The following ACSBG2 variants were observed in gnomAD, a reference collection of about 807,000 sequenced individuals.
ACSBG2 encodes the protein acyl-CoA synthetase bubblegum family member 2.
In ACSBG2, 62 loss-of-function variants were observed where a neutral mutation model predicts 74.7. The ratio of observed to expected loss-of-function variants is 0.83; its 90% CI spans 0.68 to 1.03. The LOEUF is 1.03. Among genes scored for constraint, ACSBG2 ranks in the 50% least tolerant of loss-of-function variants. The pLI is 0.00. For missense variants in ACSBG2, 730 were observed against 817.6 expected (o/e 0.89, Z 1.31); for synonymous variants, 309 against 294.1 (o/e 1.05, Z -0.52).
chr19:6,152,524 T>G lies in ACSBG2; in HGVS notation c.386+729T>G, dbSNP rs1230721815. ...CCAGGATGGTCTCGATCTCCTGACCTCATGATCCACCCGCCTCGGCCTCCC... is the reference window on the plus strand; with the variant it reads ...CCAGGATGGTCTCGATCTCCTGACCGCATGATCCACCCGCCTCGGCCTCCC... On this transcript the variant is annotated intron_variant, in intron 4 of 14. Transcript: ENST00000588485. Among the ~76,000 whole-genome samples the G allele has an allele frequency of 2.6e-4, 7 of 26,958 alleles. 3 individuals are homozygous for G. Among genetic ancestry groups the G allele is most frequent in the Non-Finnish European group, 6.7e-4 (7 of 10,502 alleles). 17.7% of individuals were successfully genotyped at this position (26,958 alleles called of 152,430 possible).
chr19:6,140,454 C>T (rs946828287), intron 1 of ACSBG2, among the ~76,000 whole-genome samples: 10 of 152,076 alleles, frequency 6.6e-5, no homozygotes, highest in Admixed American at 4.6e-4. Flanking sequence ...CTGAGGCGGG[C>T]GGATCACTTG....
intron 10 of ACSBG2, among the ~76,000 whole-genome samples, chr19:6,184,589 C>T (rs1241840002): frequency 6.7e-6 from 1 of 149,308 alleles, no homozygotes; most frequent in Admixed American, 6.7e-5. Flanking sequence ...CATCCTAGAA[C>T]TGCACTGGCC....
rs1430818511 is a variant in ACSBG2, at chr19:6,156,391, T to C, written c.387-40T>C. 4 of 1,557,586 alleles carry C rather than the reference T, an allele frequency of 2.6e-6. No individual in the cohort carries two copies. The East Asian group carries it at 7.4e-5, about 29-fold the overall frequency. On this transcript the variant is annotated intron_variant, in intron 4 of 14. Transcript: ENST00000588485. ...CTTCCAGACCATTCTGCCTTTAAGG[T>C]GTGTGTGGATGCACACACGAATTTG...
chr19:6,145,529 T>C (rs2088999590), intron 2 of ACSBG2, among the ~76,000 whole-genome samples: 1 of 151,940 alleles, frequency 6.6e-6, no homozygotes, highest in African/African-American at 2.4e-5. Flanking sequence ...ACCTCCCCAG[T>C]AGACCAGGTT....
At chr19:6,188,962 T>C (rs139589780) in intron 13 of ACSBG2, among the ~76,000 whole-genome samples, 1 of 152,232 alleles carries the variant, frequency 6.6e-6, no homozygotes, top group East Asian at 1.9e-4. Flanking sequence ...TAATATGTTA[T>C]CTGTAGAGCA....
In ACSBG2 at chr19:6,149,923, C is replaced by T. The variant is rs564108507; in HGVS notation, c.298-1784C>T. 1.9e-4 allele frequency among the ~76,000 whole-genome samples: 29 copies of T among 151,246 alleles called. No individual in the cohort carries two copies. The South Asian group carries it at 3.5e-3, about 18-fold the overall frequency. On this transcript the variant is annotated intron_variant, in intron 3 of 14. Transcript: ENST00000588485. ...CCTCCCAAAGTGCTGGGATTACAGG[C>T]GTGAGCCACCACGCCTGTAATTTTT... is the stretch of plus-strand genomic sequence containing the variant.
chr19:6,155,247 G>T (rs1268223714), intron 4 of ACSBG2, among the ~76,000 whole-genome samples: 3 of 152,066 alleles, frequency 2.0e-5, no homozygotes, highest in Non-Finnish European at 4.4e-5. Flanking sequence ...TATTTGTATG[G>T]AAAAATAAAT....
intron 10 of ACSBG2, among the ~76,000 whole-genome samples, chr19:6,184,874 G>GAAAAAAAAAAAAAAAAAAAAAAAA (rs1305163415): frequency 4.1e-5 from 2 of 49,222 alleles, no homozygotes; most frequent in African/African-American, 1.4e-4. Flanking sequence ...AAAAAAAAAC[G>GAAAAAAAAAAAAAAAAAAAAAAAA]AAAAACAGCC....
intron 10 of ACSBG2, among the ~76,000 whole-genome samples, chr19:6,184,614 G>GAAA (rs773413408): frequency 8.0e-6 from 1 of 125,650 alleles, no homozygotes; most frequent in Non-Finnish European, 1.7e-5. Context: ...CTATCTCTAG[G>GAAA]AAAAAAAAAA....
intron 2 of ACSBG2, among the ~76,000 whole-genome samples, chr19:6,144,652 A>C (rs1379992613): frequency 6.6e-6 from 1 of 151,922 alleles, no homozygotes; most frequent in African/African-American, 2.4e-5. Context: ...GCTAATTAAT[A>C]TATCAGTCAT....
intron 2 of ACSBG2, among the ~76,000 whole-genome samples, chr19:6,143,661 CT>C (rs1216649772): frequency 6.6e-6 from 1 of 152,172 alleles, no homozygotes; most frequent in Non-Finnish European, 1.5e-5. Flanking sequence ...CCACTCCCCC[CT>C]GCTTCAGGCT....
Position 6,180,380 on chromosome 19 carries a change from CTTCT to C in ACSBG2, c.907-2368_907-2365del, listed in dbSNP as rs1568249247. On this transcript the variant is annotated intron_variant, in intron 8 of 14. Coordinates refer to ENST00000588485, the MANE Select transcript of ACSBG2 (RefSeq NM_030924.5). The surrounding 1 kb of genome is among the most constrained non-coding windows in gnomAD (Gnocchi z 4.3). ...TCTCTTGTTCTTTGCAGGGCTGACT[CTTCT>C]TTGTCACTTAGCTCTCTGCTAAATA... Among the ~76,000 whole-genome samples, 2 of 152,232 alleles carry C rather than the reference CTTCT, an allele frequency of 1.3e-5. No homozygotes were observed. Among genetic ancestry groups the C allele is most frequent in the African/African-American group, 2.4e-5 (1 of 41,462 alleles).
intron 4 of ACSBG2, among the ~76,000 whole-genome samples, chr19:6,155,789 CAAAAA>C (rs35539453): frequency 1.6e-5 from 2 of 123,624 alleles, no homozygotes; most frequent in African/African-American, 6.0e-5. Flanking sequence ...GACCCTGTCT[CAAAAA>C]AAAAAAAAAA....
At chr19:6,166,280 T>TTTTGTGTGTGTGTG (rs1555694318) in intron 7 of ACSBG2, among the ~76,000 whole-genome samples, 1 of 119,096 alleles carries the variant, frequency 8.4e-6, no homozygotes, top group Non-Finnish European at 1.7e-5. Context: ...GTCAGGAAGG[T>TTTTGTGTGTGTGTG]TGTGTGTGTG....
intron 14 of ACSBG2, chr19:6,191,872 A>G (rs1306428262): frequency 1.3e-5 from 2 of 152,104 alleles, no homozygotes; most frequent in Non-Finnish European, 2.9e-5. Context: ...TACCACATTC[A>G]TAATTCTTCA....
chr19:6,147,495 G>A lies in ACSBG2; in HGVS notation c.117G>A (p.Arg39=), dbSNP rs748707371. Reference sequence around the variant, plus strand: ...GTCGAGATGGAGAAGTCCTTCTGAGGCTATCCAAACACGGACCAGGCCATG... The same window carrying A: ...GTCGAGATGGAGAAGTCCTTCTGAGACTATCCAAACACGGACCAGGCCATG... ...TTCRDGEVLL[R]LSKHGPGHET... Residue 39 remains arginine (R), a synonymous_variant, in exon 3 of 15, where the codon AGG becomes AGA. Coordinates refer to ENST00000588485, the MANE Select transcript of ACSBG2 (RefSeq NM_030924.5). 2 of 1,614,148 alleles carry A rather than the reference G, an allele frequency of 1.2e-6. No individual in the cohort carries two copies. Among genetic ancestry groups the A allele is most frequent in the Non-Finnish European group, 1.7e-6 (2 of 1,180,034 alleles).
chr19:6,144,501 G>A (rs2088959855), intron 2 of ACSBG2, among the ~76,000 whole-genome samples: 1 of 152,186 alleles, frequency 6.6e-6, no homozygotes, highest in South Asian at 2.1e-4. Flanking sequence ...AAAGTCATTG[G>A]TCAGATTCTC....
Position 6,168,246 on chromosome 19 carries a change from C to T in ACSBG2, c.738+2231C>T, listed in dbSNP as rs549008311. ...CCAACACACCAGACACGTCCTGCCTCTTGGTCTTTGCATGAGCTCCGTGGG... is the reference window on the plus strand; with the variant it reads ...CCAACACACCAGACACGTCCTGCCTTTTGGTCTTTGCATGAGCTCCGTGGG... On this transcript the variant is annotated intron_variant, in intron 7 of 14. Transcript: ENST00000588485. Among the ~76,000 whole-genome samples, 5 of 152,254 alleles carry T rather than the reference C, an allele frequency of 3.3e-5. No homozygotes were observed. The East Asian group carries it at 5.8e-4, about 18-fold the overall frequency.
chr19:6,160,826 A>G, intron 5 of ACSBG2: 1 of 166,322 alleles, frequency 6.0e-6, no homozygotes, highest in South Asian at 1.6e-4. Context: ...GAGGCTGGGC[A>G]CAGTGGCTCA....
Sources: gnomAD v4.1 joint callset for allele counts (sites outside exome capture counted in the v4.1 genomes callset) on GRCh38, gnomAD v4.1.1 for gene constraint, Gnocchi (gnomAD v3.1) non-coding constraint, MANE v1.5 for transcripts, NCBI Gene and HGNC (gene_info 2026-07-23, HGNC 2026-07-21) for gene names.